SOX6: variants seen among roughly 807,000 people sequenced by gnomAD.
SOX6 encodes SRY-box transcription factor 6, also known as transcription factor SOX-6.
In SOX6, 11 loss-of-function variants were observed where a neutral mutation model predicts 97.8. The ratio of observed to expected loss-of-function variants is 0.11; its 90% confidence interval spans 0.07 to 0.19. The LOEUF is 0.19. SOX6 is among the 10% of genes least tolerant of loss of function. The probability of loss-of-function intolerance (pLI) is 1.00; values close to 1 mark genes in which losing one functional copy is unlikely to be tolerated. For synonymous variants in SOX6, 360 were observed against 371.4 expected, an observed-to-expected ratio of 0.97 and a Z score of 0.35; for missense variants, 810 against 1,039.5, an observed-to-expected ratio of 0.78 and a Z score of 3.04.
At chr11:16,490,552 C>T (rs1216041423) in intron 4 of SOX6, among the ~76,000 whole-genome samples, 1 of 151,584 alleles carries the variant, frequency 6.6e-6, no homozygotes, top group African/African-American at 2.4e-5. Flanking sequence ...CAAAAGAAAA[C>T]TATAATATCA....
At chr11:16,122,601 G>A (rs962132689) in intron 6 of SOX6, among the ~76,000 whole-genome samples, 6 of 151,856 alleles carry the variant, frequency 4.0e-5, no homozygotes, top group African/African-American at 1.4e-4. Context: ...AGTATTTTAT[G>A]CAACCTTATT....
chr11:16,627,636 A>AG (rs781717206), intron 3 of SOX6, among the ~76,000 whole-genome samples: 1 of 152,036 alleles, frequency 6.6e-6, no homozygotes, highest in African/African-American at 2.4e-5. Flanking sequence ...CCCATTTTTA[A>AG]GGGGGTTATT....
At position 16,026,983 on chromosome 11, in the gene SOX6, G is replaced by A. The variant is rs560121546; in HGVS notation, c.1624-11933C>T. On this transcript the variant is annotated intron_variant, in intron 12 of 15. Coordinates refer to ENST00000683767, the MANE Select transcript of SOX6 (RefSeq NM_001367873.1). ...TGTGGGGATATGTGTTAATTGTATGGTTTTCCAAAGATGTGGGAGAACTGA... is the reference window on the plus strand; with the variant it reads ...TGTGGGGATATGTGTTAATTGTATGATTTTCCAAAGATGTGGGAGAACTGA... 2.6e-5 allele frequency among the ~76,000 whole-genome samples: 4 copies of A among 152,236 alleles called. No homozygotes were observed. In the South Asian group the frequency reaches 8.3e-4, roughly 32 times the overall value.
intron 1 of SOX6, among the ~76,000 whole-genome samples, chr11:16,351,533 C>T (rs1026153935): frequency 1.3e-5 from 2 of 152,084 alleles, no homozygotes; most frequent in Non-Finnish European, 2.9e-5. Context: ...CAGTGGCTCT[C>T]CCCTGATGAC....
At chr11:16,196,172 A>G (rs1291625034) in intron 4 of SOX6, among the ~76,000 whole-genome samples, 3 of 152,340 alleles carry the variant, frequency 2.0e-5, no homozygotes, top group South Asian at 4.1e-4. Flanking sequence ...TAAGTCATCT[A>G]TTCCTCACAA....
intron 3 of SOX6, among the ~76,000 whole-genome samples, chr11:16,623,240 C>T (rs1848570790): frequency 6.6e-6 from 1 of 152,048 alleles, no homozygotes; most frequent in Non-Finnish European, 1.5e-5. Context: ...AGACTAGTCT[C>T]GAACTCCTGA....
At chr11:16,611,173 C>G (rs966218541) in intron 4 of SOX6, among the ~76,000 whole-genome samples, 3 of 152,212 alleles carry the variant, frequency 2.0e-5, no homozygotes, top group Non-Finnish European at 4.4e-5. Context: ...AGGAAAGGCG[C>G]GCACGGTTCC....
At chr11:16,231,335 T>C (rs1469034322) in intron 4 of SOX6, among the ~76,000 whole-genome samples, 1 of 151,696 alleles carries the variant, frequency 6.6e-6, no homozygotes, top group African/African-American at 2.4e-5. Context: ...CCAACATACA[T>C]ATGCAGTTCA....
At chr11:16,038,789 A>G (rs2133895817) in intron 12 of SOX6, among the ~76,000 whole-genome samples, 2 of 152,306 alleles carry the variant, frequency 1.3e-5, no homozygotes, top group African/African-American at 2.4e-5. Context: ...TGTCAGTCAC[A>G]TTACCTAAAC....
At chr11:16,711,512 G>A (rs1412382158) in intron 3 of SOX6, among the ~76,000 whole-genome samples, 3 of 152,136 alleles carry the variant, frequency 2.0e-5, no homozygotes, top group African/African-American at 7.2e-5. Flanking sequence ...GACAGAAGGA[G>A]ATGCTGTTTC....
chr11:16,578,214 A>G (rs1301255355), intron 4 of SOX6, among the ~76,000 whole-genome samples: 1 of 152,140 alleles, frequency 6.6e-6, no homozygotes, highest in African/African-American at 2.4e-5. Context: ...ACCCTTGTCG[A>G]AAATAGCATT....
chr11:16,293,101 A>G (rs922369602), intron 3 of SOX6, among the ~76,000 whole-genome samples: 2 of 152,176 alleles, frequency 1.3e-5, no homozygotes, highest in Non-Finnish European at 2.9e-5. Flanking sequence ...GCTTTTGTAA[A>G]TTGTCAATGT....
chr11:16,698,414 C>T (rs775022996), intron 3 of SOX6, among the ~76,000 whole-genome samples: 4 of 152,208 alleles, frequency 2.6e-5, no homozygotes, highest in Non-Finnish European at 5.9e-5. Flanking sequence ...TAGGCTTTGA[C>T]TTAAGAGAAT....
At chr11:16,074,140 C>G (rs1214560820) in intron 9 of SOX6, among the ~76,000 whole-genome samples, 5 of 151,882 alleles carry the variant, frequency 3.3e-5, no homozygotes, top group Non-Finnish European at 7.4e-5. Context: ...AAAAACCATA[C>G]AAAAAATCAA....
chr11:16,451,052 G>A (rs963268978), intron 1 of SOX6, among the ~76,000 whole-genome samples: 16 of 152,020 alleles, frequency 1.1e-4, no homozygotes, highest in African/African-American at 3.4e-4. Flanking sequence ...GCAACATGGC[G>A]AAACACTGTC....
At chr11:16,388,036 T>C (rs539396174) in intron 1 of SOX6, among the ~76,000 whole-genome samples, 1 of 152,260 alleles carries the variant, frequency 6.6e-6, no homozygotes, top group South Asian at 2.1e-4. Context: ...GAAGAAAGCA[T>C]TCACTATTTC....
At chr11:16,367,717 A>G (rs76752539) in intron 1 of SOX6, among the ~76,000 whole-genome samples, 2,330 of 152,294 alleles carry the variant, frequency 0.015, 51 homozygotes, top group African/African-American at 0.053. Context: ...TTATCACCAC[A>G]ACAGTGTGAA....
At chr11:16,353,356 A>G (rs984593633) in intron 1 of SOX6, among the ~76,000 whole-genome samples, 2 of 152,098 alleles carry the variant, frequency 1.3e-5, no homozygotes, top group South Asian at 4.1e-4. Context: ...TATGACTACT[A>G]TATAACATTA....
chr11:16,095,661 A>AT (rs1291247707), intron 9 of SOX6, among the ~76,000 whole-genome samples: 1 of 151,828 alleles, frequency 6.6e-6, no homozygotes, highest in East Asian at 1.9e-4. Context: ...ATGTTTAAGT[A>AT]TTTTTTAAAA....
Sources: gnomAD v4.1 joint callset for allele counts (sites outside exome capture counted in the v4.1 genomes callset) on GRCh38, gnomAD v4.1.1 for gene constraint, MANE v1.5 for transcripts, NCBI Gene and HGNC (gene_info 2026-07-23, HGNC 2026-07-21) for gene names.